TBC1D16: variants seen among roughly 807,000 people sequenced by gnomAD.
The protein encoded by TBC1D16 is CTD-2529O21.1.
In TBC1D16, 58 loss-of-function variants were observed where a neutral mutation model predicts 74.7. The observed-to-expected ratio is 0.78, with a 90% CI of 0.63 to 0.97. The LOEUF is 0.97. Ranked by LOEUF, TBC1D16 falls within the 50% of genes least tolerant of loss-of-function variation. The pLI is 0.00. For missense variants in TBC1D16, 1,014 were observed against 1,079.5 expected (o/e 0.94, Z 0.85); for synonymous variants, 493 against 474.7 (o/e 1.04, Z -0.50).
chr17:79,956,044 C>T lies in TBC1D16; in HGVS notation c.780-3226G>A, dbSNP rs1266810448. Among the ~76,000 whole-genome samples, 1 of 152,180 alleles carries T rather than the reference C, an allele frequency of 6.6e-6. No individual in the cohort carries two copies. The highest frequency in any genetic ancestry group is 6.5e-5 in the Admixed American group (1 of 15,288). ...TCCTCTTGGCACAGTGCAGGCAAGA[C>T]AGACAGACGAGAGCTCATGAGAGAG... On this transcript the variant is annotated intron_variant, in intron 3 of 11. Coordinates refer to ENST00000310924, the MANE Select transcript of TBC1D16 (RefSeq NM_019020.4). The surrounding 1 kb of genome is among the most constrained non-coding windows in gnomAD (Gnocchi z 4.0).
chr17:79,946,473 G>A (rs1364447631), intron 9 of TBC1D16, among the ~76,000 whole-genome samples: 1 of 152,228 alleles, frequency 6.6e-6, no homozygotes, highest in Non-Finnish European at 1.5e-5. Context: ...TACCAGTCCT[G>A]GGCCTGGGAG....
intron 3 of TBC1D16, among the ~76,000 whole-genome samples, chr17:79,955,078 G>C (rs1425017751): frequency 6.6e-6 from 1 of 152,202 alleles, no homozygotes; most frequent in East Asian, 1.9e-4. Context: ...CCCCAGCAAC[G>C]TGCCTCCAGG....
rs2031346762 is a variant in TBC1D16, at chr17:79,932,934, A to G, written c.*7925T>C. On this transcript the variant is annotated 3_prime_UTR_variant, in exon 12 of 12. Transcript: ENST00000310924. Reference sequence around the variant, plus strand: ...TGTCTCATGTTGAAGAGCTGATGACATCGGACCTATCAGGTCAGACTTATT... The same window carrying G: ...TGTCTCATGTTGAAGAGCTGATGACGTCGGACCTATCAGGTCAGACTTATT... 1 of 152,230 alleles carries G rather than the reference A, an allele frequency of 6.6e-6. No individual in the cohort carries two copies. Among genetic ancestry groups the G allele is most frequent in the Non-Finnish European group, 1.5e-5 (1 of 68,058 alleles). 9.4% of individuals were successfully genotyped at this position (152,230 alleles called of 1,614,324 possible).
At chr17:79,997,467 T>C (rs2035317717) in intron 3 of TBC1D16, among the ~76,000 whole-genome samples, 1 of 152,178 alleles carries the variant, frequency 6.6e-6, no homozygotes, top group Non-Finnish European at 1.5e-5. Flanking sequence ...TGGGCACTGT[T>C]AGCCTAAACC....
Position 79,986,907 on chromosome 17 carries a change from G to A in TBC1D16, c.779+23253C>T, listed in dbSNP as rs917636337. Among the ~76,000 whole-genome samples the A allele has an allele frequency of 3.3e-5, 5 of 152,236 alleles. No homozygotes were observed. The highest frequency in any genetic ancestry group is 7.2e-5 in the African/African-American group (3 of 41,450). ...CTGGACTGCGGTCAGCCGTCCCCTC[G>A]CGCCCTCCGGTCTCTGCTGCTGTGT... On this transcript the variant is annotated intron_variant, in intron 3 of 11. Transcript: ENST00000310924. The surrounding 1 kb of genome is among the most constrained non-coding windows in gnomAD (Gnocchi z 6.0).
intron 8 of TBC1D16, 25 bp from the exon 9 acceptor site, chr17:79,947,856 G>A: frequency 6.2e-7 from 1 of 1,603,428 alleles, no homozygotes. Context: ...AGACAGCAGT[G>A]GGTGGGGATG....
At chr17:79,999,655 G>A (rs915758441) in intron 3 of TBC1D16, among the ~76,000 whole-genome samples, 2 of 58,624 alleles carry the variant, frequency 3.4e-5, no homozygotes, top group South Asian at 4.3e-4. Flanking sequence ...TGATTCTCCT[G>A]CCTCAGCCTC....
intron 3 of TBC1D16, among the ~76,000 whole-genome samples, chr17:79,984,453 C>T (rs1056654392): frequency 2.0e-5 from 3 of 152,000 alleles, no homozygotes; most frequent in Non-Finnish European, 2.9e-5. Context: ...AAAAAGTTAA[C>T]GGTGGTGAGC....
intron 1 of TBC1D16, among the ~76,000 whole-genome samples, chr17:80,016,119 T>C (rs8081493): frequency 1 from 151,889 of 152,032 alleles, 75,873 homozygotes; most frequent in Middle Eastern, 1. Flanking sequence ...TGCTACAGCA[T>C]GGATGAACCC....
Position 80,000,507 on chromosome 17 carries a change from G to A in TBC1D16, c.779+9653C>T, listed in dbSNP as rs181023225. ...CTCCCCTAGACCTTCCAGAGGGAGCGTGGCTCTGCAGACACCTTGATTTTG... is the reference window on the plus strand; with the variant it reads ...CTCCCCTAGACCTTCCAGAGGGAGCATGGCTCTGCAGACACCTTGATTTTG... On this transcript the variant is annotated intron_variant, in intron 3 of 11. Coordinates refer to ENST00000310924, the MANE Select transcript of TBC1D16 (RefSeq NM_019020.4). The surrounding 1 kb of genome is among the most constrained non-coding windows in gnomAD (Gnocchi z 4.1). Among the ~76,000 whole-genome samples the A allele has an allele frequency of 2.6e-5, 4 of 152,326 alleles. No homozygotes were observed. The highest frequency in any genetic ancestry group is 4.8e-5 in the African/African-American group (2 of 41,574).
chr17:79,998,264 C>T (rs969776822), intron 3 of TBC1D16, among the ~76,000 whole-genome samples: 1 of 151,442 alleles, frequency 6.6e-6, no homozygotes, highest in African/African-American at 2.4e-5. Flanking sequence ...ACTGTCTTCA[C>T]AATTTTGCCT....
Position 79,938,127 on chromosome 17 carries a change from AC to A in TBC1D16, c.*2731del, listed in dbSNP as rs552186777. On this transcript the variant is annotated 3_prime_UTR_variant, in exon 12 of 12. Coordinates refer to ENST00000310924, the MANE Select transcript of TBC1D16 (RefSeq NM_019020.4). ...GCTGGCTGGGAATAATCCCGGGGCAACAGCTGCCGCGGGGTTTTTGGCTGGT... is the reference window on the plus strand; with the variant it reads ...GCTGGCTGGGAATAATCCCGGGGCAAAGCTGCCGCGGGGTTTTTGGCTGGT... 5.3e-5 allele frequency: 8 copies of A among 152,334 alleles called. No individual in the cohort carries two copies. Among genetic ancestry groups the A allele is most frequent in the Admixed American group, 4.6e-4 (7 of 15,304 alleles). The allele number at this position is 152,334 out of a possible 1,614,324, so 9.4% of individuals were successfully genotyped here.
At chr17:79,963,085 G>A (rs936673928) in intron 3 of TBC1D16, among the ~76,000 whole-genome samples, 2 of 151,722 alleles carry the variant, frequency 1.3e-5, no homozygotes, top group African/African-American at 4.8e-5. Context: ...TGTGGTGGTG[G>A]GCGCCTATAA....
rs996485392 is a variant in TBC1D16, at chr17:79,946,255, A to G, written c.1729-1168T>C. Among the ~76,000 whole-genome samples the G allele has an allele frequency of 2.6e-4, 39 of 152,354 alleles. 1 individual carries two copies. Among genetic ancestry groups the G allele is most frequent in the African/African-American group, 8.9e-4 (37 of 41,590 alleles). The stretch of plus-strand genomic sequence containing the variant: ...TCAGGTTGAAACTGTTCCCCCTCAC[A>G]TCATCAGGCATTAGATTCTCATAAG... On this transcript the variant is annotated intron_variant, in intron 9 of 11. Coordinates refer to ENST00000310924, the MANE Select transcript of TBC1D16 (RefSeq NM_019020.4).
intron 3 of TBC1D16, among the ~76,000 whole-genome samples, chr17:79,984,619 G>GAGAAGGAAGGAAGGAA (rs1491290219): frequency 2.0e-4 from 20 of 102,484 alleles, no homozygotes; most frequent in South Asian, 1.0e-3. Context: ...GAGGGAGGGA[G>GAGAAGGAAGGAAGGAA]TGAAGGAAGG....
chr17:79,940,867 G>A lies in TBC1D16; in HGVS notation c.2296C>T (p.Arg766Cys), dbSNP rs765462588. The A allele has an allele frequency of 1.6e-5, 25 of 1,544,820 alleles. No homozygotes were observed. Among genetic ancestry groups the A allele is most frequent in the African/African-American group, 8.1e-5 (6 of 73,672 alleles). The stretch of plus-strand genomic sequence containing the variant: ...GGTGTCGGGGGCCCGACCTATCTGC[G>A]GAAGCCGAAGCCGTCCTGCGGCGTC... ...PKTPQDGFGFRR is the reference protein window; with the variant it reads ...PKTPQDGFGFCR The change falls in exon 12 of 12, where the codon CGC becomes TGC. Residue 766 changes from arginine to cysteine, a missense_variant. Coordinates refer to ENST00000310924, the MANE Select transcript of TBC1D16 (RefSeq NM_019020.4). The surrounding 1 kb of genome is among the most constrained non-coding windows in gnomAD (Gnocchi z 5.4).
chr17:79,960,815 G>GAAAAAAAAAAAAAA (rs2033581403), intron 3 of TBC1D16, among the ~76,000 whole-genome samples: 1 of 87,614 alleles, frequency 1.1e-5, no homozygotes, highest in African/African-American at 4.7e-5. Flanking sequence ...AAAAACGAAG[G>GAAAAAAAAAAAAAA]AATGAAACTG....
rs2035211858 is a variant in TBC1D16 at position 79,994,943 on chromosome 17, C to T, written c.779+15217G>A. 6.6e-6 allele frequency among the ~76,000 whole-genome samples: 1 copy of T among 152,186 alleles called. No individual in the cohort carries two copies. Among genetic ancestry groups the T allele is most frequent in the African/African-American group, 2.4e-5 (1 of 41,448 alleles). ...TTGGAATGATACTATTTTGAACAAG[C>T]TGGGTAATTTACAAAAATTTTCACC... On this transcript the variant is annotated intron_variant, in intron 3 of 11. Coordinates refer to ENST00000310924, the MANE Select transcript of TBC1D16 (RefSeq NM_019020.4). The surrounding 1 kb of genome is among the most constrained non-coding windows in gnomAD (Gnocchi z 4.6).
chr17:80,011,567 C>T (rs2035893737), intron 2 of TBC1D16, among the ~76,000 whole-genome samples: 1 of 152,178 alleles, frequency 6.6e-6, no homozygotes, highest in Non-Finnish European at 1.5e-5. Context: ...TGGCTCACGC[C>T]TGTAATCCCA....
Sources: allele counts gnomAD v4.1 joint callset (sites outside exome capture counted in the v4.1 genomes callset), GRCh38; gene constraint gnomAD v4.1.1; non-coding constraint Gnocchi (gnomAD v3.1); transcripts MANE v1.5; gene names NCBI Gene and HGNC (gene_info 2026-07-23, HGNC 2026-07-21).